The following SUPT3H variants were observed in gnomAD, a reference collection of about 807,000 sequenced individuals.
The protein encoded by SUPT3H is SPT3 homolog, SAGA and STAGA complex component, also known as transcription initiation protein SPT3 homolog.
A neutral mutation model predicts 44.3 loss-of-function variants in SUPT3H; 44 were observed. That is an observed-to-expected ratio of 0.99 (90% CI 0.78 to 1.28). The LOEUF (loss-of-function observed/expected upper bound fraction) is 1.28, where lower values mean the gene tolerates loss of function less well. Ranked by LOEUF, SUPT3H falls within the 50% of genes most tolerant of loss-of-function variation. The pLI, the probability that SUPT3H is intolerant of heterozygous loss-of-function variation, is 0.00. For missense variants in SUPT3H, 380 were observed against 387.1 expected (o/e 0.98, Z 0.15); for synonymous variants, 124 against 125.6 (o/e 0.99, Z 0.09).
In SUPT3H at chr6:45,187,783, T is replaced by C. The variant is rs573606824; in HGVS notation, c.102-81777A>G. ...ACAGAAAATAACAGACCAATATTTC[T>C]CATGAACTTAGATGCAAAATCATCA... On this transcript the variant is annotated intron_variant, in intron 2 of 10. Coordinates refer to ENST00000371459, the MANE Select transcript of SUPT3H (RefSeq NM_003599.4). Among the ~76,000 whole-genome samples the C allele has an allele frequency of 2.0e-4, 30 of 152,282 alleles. No homozygotes were observed. In the South Asian group the frequency reaches 6.0e-3, roughly 30 times the overall value.
intron 2 of SUPT3H, among the ~76,000 whole-genome samples, chr6:45,305,641 T>C (rs1782876458): frequency 6.6e-6 from 1 of 152,216 alleles, no homozygotes. Flanking sequence ...ACCACATTGC[T>C]ATTAGATGAT....
At chr6:45,338,227 A>G (rs1260578957) in intron 2 of SUPT3H, among the ~76,000 whole-genome samples, 2 of 152,014 alleles carry the variant, frequency 1.3e-5, no homozygotes, top group Non-Finnish European at 2.9e-5. Flanking sequence ...GCTTCCTCAC[A>G]TTATGGTTCA....
At chr6:44,896,769 A>G (rs1239071460) in intron 10 of SUPT3H, among the ~76,000 whole-genome samples, 1 of 152,162 alleles carries the variant, frequency 6.6e-6, no homozygotes, top group African/African-American at 2.4e-5. Flanking sequence ...GTTAATTTCT[A>G]TGTTTTAAAA....
chr6:45,053,131 C>A (rs1257998731), intron 3 of SUPT3H, among the ~76,000 whole-genome samples: 1 of 151,980 alleles, frequency 6.6e-6, no homozygotes, highest in Non-Finnish European at 1.5e-5. Context: ...AACACCTGAG[C>A]TCAAGCGATC....
At chr6:44,855,738 C>T (rs997031914) in intron 10 of SUPT3H, among the ~76,000 whole-genome samples, 2 of 151,704 alleles carry the variant, frequency 1.3e-5, no homozygotes, top group Non-Finnish European at 2.9e-5. Flanking sequence ...TTAGGTCCCA[C>T]CCCACCACCC....
intron 2 of SUPT3H, among the ~76,000 whole-genome samples, chr6:45,227,235 T>C (rs1335252593): frequency 6.6e-6 from 1 of 151,654 alleles, no homozygotes; most frequent in Non-Finnish European, 1.5e-5. Context: ...AGAATATGTT[T>C]ATAAGAGAAA....
chr6:45,023,638 T>C (rs901690610), intron 3 of SUPT3H, among the ~76,000 whole-genome samples: 8 of 151,826 alleles, frequency 5.3e-5, no homozygotes, highest in Admixed American at 1.3e-4. Flanking sequence ...ATGGATGGAG[T>C]CGGAGGCTAA....
chr6:45,227,757 C>T (rs1767206274), intron 2 of SUPT3H, among the ~76,000 whole-genome samples: 2 of 152,166 alleles, frequency 1.3e-5, no homozygotes, highest in Non-Finnish European at 2.9e-5. Flanking sequence ...AGGTCCAAAA[C>T]ACAGGTACCA....
intron 10 of SUPT3H, among the ~76,000 whole-genome samples, chr6:44,859,779 G>C (rs1319343836): frequency 6.6e-6 from 1 of 152,070 alleles, no homozygotes; most frequent in Non-Finnish European, 1.5e-5. Flanking sequence ...AATTTTGCTG[G>C]TTATTAAAAC....
intron 2 of SUPT3H, among the ~76,000 whole-genome samples, chr6:45,216,050 G>GT (rs1202367228): frequency 6.6e-6 from 1 of 152,116 alleles, no homozygotes; most frequent in Non-Finnish European, 1.5e-5. Context: ...GGGGATGGGG[G>GT]TAATGGTAGC....
At chr6:44,993,886 T>C (rs1487989028) in intron 6 of SUPT3H, among the ~76,000 whole-genome samples, 1 of 152,138 alleles carries the variant, frequency 6.6e-6, no homozygotes, top group African/African-American at 2.4e-5. Flanking sequence ...TGTTTTTCAA[T>C]GCACCCTAGC....
intron 10 of SUPT3H, among the ~76,000 whole-genome samples, chr6:44,879,298 C>T (rs575287151): frequency 6.6e-6 from 1 of 152,308 alleles, no homozygotes; most frequent in African/African-American, 2.4e-5. Flanking sequence ...ACAGTGTAAG[C>T]AAAGCTGCCT....
chr6:44,942,542 G>A (rs903685629), intron 9 of SUPT3H, among the ~76,000 whole-genome samples: 2 of 152,122 alleles, frequency 1.3e-5, no homozygotes, highest in Non-Finnish European at 1.5e-5. Flanking sequence ...AATCCCCAAA[G>A]GGACAGAATA....
At chr6:44,822,989 A>G (rs1481614495), downstream of SUPT3H, among the ~76,000 whole-genome samples, 1 of 151,438 alleles carries the variant, frequency 6.6e-6, no homozygotes, top group Non-Finnish European at 1.5e-5. Context: ...GTGGTGGCGC[A>G]TGCCTGTAAT....
chr6:44,981,239 T>TG (rs1351757434), intron 6 of SUPT3H, among the ~76,000 whole-genome samples: 4 of 152,222 alleles, frequency 2.6e-5, no homozygotes, highest in African/African-American at 9.6e-5. Flanking sequence ...AGAGAATATT[T>TG]GCAGAGCTGG....
chr6:44,867,238 G>A (rs1775655375), intron 10 of SUPT3H, among the ~76,000 whole-genome samples: 2 of 149,520 alleles, frequency 1.3e-5, no homozygotes, highest in East Asian at 2.0e-4. Flanking sequence ...TGCAACCTCC[G>A]CCTCCTGGGC....
At chr6:45,182,142 G>T (rs1414520907) in intron 2 of SUPT3H, among the ~76,000 whole-genome samples, 1 of 152,174 alleles carries the variant, frequency 6.6e-6, no homozygotes, top group Non-Finnish European at 1.5e-5. Context: ...AGGAGCTGAT[G>T]CCTGTAACAA....
intron 5 of SUPT3H, among the ~76,000 whole-genome samples, chr6:45,004,068 G>C (rs879524452): frequency 2.6e-5 from 4 of 152,112 alleles, no homozygotes; most frequent in Non-Finnish European, 5.9e-5. Flanking sequence ...AAAGGAGAGA[G>C]TGGTGTGCTC....
intron 2 of SUPT3H, among the ~76,000 whole-genome samples, chr6:45,282,421 G>A (rs187646310): frequency 2.1e-4 from 32 of 152,292 alleles, no homozygotes; most frequent in East Asian, 7.7e-4. Context: ...ACCATGGCAC[G>A]AGAACTACGT....
Sources: allele counts gnomAD v4.1 joint callset (sites outside exome capture counted in the v4.1 genomes callset), GRCh38; gene constraint gnomAD v4.1.1; transcripts MANE v1.5; gene names NCBI Gene and HGNC (gene_info 2026-07-23, HGNC 2026-07-21).